Variants in PSMD1 observed in about 807,000 individuals in gnomAD.
PSMD1 encodes proteasome 26S subunit, non-ATPase 1.
Under a neutral mutation model 119.0 loss-of-function variants are expected in PSMD1, and 18 were observed. That is an observed-to-expected ratio of 0.15 (90% CI 0.10 to 0.22). The LOEUF (loss-of-function observed/expected upper bound fraction) is 0.22, where lower values mean the gene tolerates loss of function less well. Ranked by LOEUF, PSMD1 falls within the 10% of genes least tolerant of loss-of-function variation. The pLI is 1.00. For synonymous variants in PSMD1, 374 were observed against 396.6 expected, an observed-to-expected ratio of 0.94 and a Z score of 0.68; for missense variants, 702 against 1,158.5, an observed-to-expected ratio of 0.61 and a Z score of 5.72.
rs764689976 is a variant in PSMD1 at position 231,082,991 on chromosome 2, A to G, written c.1522A>G (p.Thr508Ala). 3.6e-5 allele frequency: 57 copies of G among 1,603,118 alleles called. 2 individuals are homozygous for G. The highest frequency in any genetic ancestry group is 1.1e-5 in the South Asian group (1 of 90,788). ...KTNLYQDDAV[T>A]GEAAGLALGL... The stretch of plus-strand genomic sequence containing the variant: ...AAACCTTTATCAGGATGATGCAGTA[A>G]CAGGTAAGCATTTCTTTCTAAAGCT... Residue 508 changes from threonine (T) to alanine (A), a missense_variant, in exon 13 of 25, where the codon ACA becomes GCA. By Grantham distance (58) the Thr-to-Ala change is moderately conservative. Coordinates refer to ENST00000308696, the MANE Select transcript of PSMD1 (RefSeq NM_002807.4).
At chr2:231,149,000 A>G (rs1696311690) in intron 18 of PSMD1, among the ~76,000 whole-genome samples, 1 of 152,256 alleles carries the variant, frequency 6.6e-6, no homozygotes, top group Non-Finnish European at 1.5e-5. Flanking sequence ...TGTGAATTTC[A>G]TCAAGAGTTA....
intron 18 of PSMD1, among the ~76,000 whole-genome samples, chr2:231,150,406 A>T (rs773882720): frequency 6.6e-6 from 1 of 151,826 alleles, no homozygotes; most frequent in Non-Finnish European, 1.5e-5. Flanking sequence ...ATATATACAC[A>T]TATATAGACA....
intron 18 of PSMD1, among the ~76,000 whole-genome samples, chr2:231,148,330 C>T (rs1209120838): frequency 1.3e-5 from 2 of 152,182 alleles, no homozygotes; most frequent in Non-Finnish European, 2.9e-5. Flanking sequence ...ATGTTGCTTT[C>T]ATGTTACTTG....
At chr2:231,107,490 A>G (rs987127746) in intron 16 of PSMD1, among the ~76,000 whole-genome samples, 3 of 152,232 alleles carry the variant, frequency 2.0e-5, no homozygotes, top group Non-Finnish European at 4.4e-5. Context: ...TGAATTGTCT[A>G]CCATTTACTT....
rs1024560090 is a variant in PSMD1, at chr2:231,115,837, A to G, written c.1884-22899A>G. Among the ~76,000 whole-genome samples the G allele has an allele frequency of 5.9e-5, 9 of 152,154 alleles. No individual in the cohort carries two copies. In the East Asian group the frequency reaches 1.7e-3, roughly 29 times the overall value. On this transcript the variant is annotated intron_variant, in intron 16 of 24. Transcript: ENST00000308696. ...ATCGGCATCACCTGGGTACTTAGATATGCAGGCTCTTGGGTCTCATCTCAG... is the reference window on the plus strand; with the variant it reads ...ATCGGCATCACCTGGGTACTTAGATGTGCAGGCTCTTGGGTCTCATCTCAG...
At chr2:231,063,662 T>C (rs949075732) in intron 4 of PSMD1, among the ~76,000 whole-genome samples, 1 of 152,248 alleles carries the variant, frequency 6.6e-6, no homozygotes, top group Non-Finnish European at 1.5e-5. Flanking sequence ...TGCAAGTTAC[T>C]TTATTGCTGT....
chr2:231,144,446 T>C (rs1574767944), intron 17 of PSMD1, among the ~76,000 whole-genome samples: 1 of 114,620 alleles, frequency 8.7e-6, no homozygotes, highest in African/African-American at 3.6e-5. Context: ...TTTTTTTTTT[T>C]TTTTGTATTT....
chr2:231,058,755 G>A (rs1693678394), intron 1 of PSMD1, among the ~76,000 whole-genome samples: 1 of 151,862 alleles, frequency 6.6e-6, no homozygotes, highest in African/African-American at 2.4e-5. Flanking sequence ...CCTTGGATAT[G>A]TCAGTTTCTC....
In PSMD1 at chr2:231,170,340, C is replaced by T; in HGVS notation, c.2716-226C>T. The stretch of plus-strand genomic sequence containing the variant: ...CTATTCTTAAATTGGGATGCATCAT[C>T]CAAGTAGAACAGCATCACATGTTAT... On this transcript the variant is annotated intron_variant, in intron 23 of 24. Coordinates refer to ENST00000308696, the MANE Select transcript of PSMD1 (RefSeq NM_002807.4). This position sits in a 1 kb window ranked among gnomAD's most constrained non-coding sequence, Gnocchi z 4.1. 1 of 400,652 alleles carries T rather than the reference C, an allele frequency of 2.5e-6. No individual in the cohort carries two copies. Among genetic ancestry groups the T allele is most frequent in the Non-Finnish European group, 4.4e-6 (1 of 229,158 alleles). 24.8% of individuals were successfully genotyped at this position (400,652 alleles called of 1,614,324 possible).
Position 231,108,937 on chromosome 2 carries a change from A to T in PSMD1, c.1883+21756A>T, listed in dbSNP as rs760260232. The T allele has an allele frequency of 9.8e-5, 158 of 1,614,142 alleles. 3 individuals carry two copies. In the South Asian group the frequency reaches 1.5e-3, roughly 16 times the overall value. The stretch of plus-strand genomic sequence containing the variant: ...CACATAAAACTAAAGTTATATTTGT[A>T]ATAAAGAAGGGACACCACATAAGCA... On this transcript the variant is annotated intron_variant, in intron 16 of 24. Transcript: ENST00000308696.
At chr2:231,076,443 G>A (rs893440129) in intron 8 of PSMD1, among the ~76,000 whole-genome samples, 1 of 152,158 alleles carries the variant, frequency 6.6e-6, no homozygotes, top group South Asian at 2.1e-4. Flanking sequence ...AAGGTGGGTG[G>A]ATCACCTGAG....
At chr2:231,103,393 G>A (rs1427784562) in intron 16 of PSMD1, among the ~76,000 whole-genome samples, 1 of 152,090 alleles carries the variant, frequency 6.6e-6, no homozygotes, top group African/African-American at 2.4e-5. Context: ...ACCTCTAAAC[G>A]GGTTATGTGA....
intron 12 of PSMD1, among the ~76,000 whole-genome samples, chr2:231,080,837 C>T (rs1694291746): frequency 2.0e-5 from 3 of 152,092 alleles, no homozygotes; most frequent in Non-Finnish European, 4.4e-5. Flanking sequence ...TGCCCTCATG[C>T]ATAAGTGAAA....
intron 16 of PSMD1, among the ~76,000 whole-genome samples, chr2:231,112,141 C>T (rs1695175086): frequency 6.6e-6 from 1 of 152,146 alleles, no homozygotes; most frequent in Non-Finnish European, 1.5e-5. Flanking sequence ...AACTCTCCCA[C>T]CCCACCCCAA....
intron 19 of PSMD1, 45 bp from the exon 20 acceptor site, chr2:231,161,295 T>C (rs1696634962): frequency 1.4e-6 from 2 of 1,422,484 alleles, no homozygotes; most frequent in Non-Finnish European, 1.9e-6. Context: ...ACTATAATAA[T>C]AGGACAATAC....
At chr2:231,134,168 G>A (rs1695917797) in intron 16 of PSMD1, among the ~76,000 whole-genome samples, 1 of 152,164 alleles carries the variant, frequency 6.6e-6, no homozygotes, top group Non-Finnish European at 1.5e-5. Context: ...CAGAAGTATA[G>A]TAATACTAAA....
chr2:231,092,086 C>T (rs1318378233), intron 16 of PSMD1, among the ~76,000 whole-genome samples: 1 of 152,182 alleles, frequency 6.6e-6, no homozygotes, highest in African/African-American at 2.4e-5. Flanking sequence ...CACAGCAATA[C>T]TAGCAGTTGC....
chr2:231,158,987 C>T (rs1192125173), intron 19 of PSMD1, among the ~76,000 whole-genome samples: 1 of 151,898 alleles, frequency 6.6e-6, no homozygotes, highest in Non-Finnish European at 1.5e-5. Context: ...TTAAGAAAAT[C>T]TAGATTATTT....
chr2:231,070,479 G>A (rs987817647), intron 6 of PSMD1, among the ~76,000 whole-genome samples: 2 of 152,030 alleles, frequency 1.3e-5, no homozygotes, highest in African/African-American at 4.8e-5. Context: ...AAAGCTAGAA[G>A]ATTAAAACAG....
Sources: gnomAD v4.1 joint callset for allele counts (sites outside exome capture counted in the v4.1 genomes callset) on GRCh38, gnomAD v4.1.1 for gene constraint, Gnocchi (gnomAD v3.1) non-coding constraint, MANE v1.5 for transcripts, NCBI Gene and HGNC (gene_info 2026-07-23, HGNC 2026-07-21) for gene names.